The following DNTTIP1 variants were observed in gnomAD, a reference collection of about 807,000 sequenced individuals.
The protein encoded by DNTTIP1 is deoxynucleotidyltransferase terminal interacting protein 1.
Under a neutral mutation model 52.9 loss-of-function variants are expected in DNTTIP1, and 22 were observed. That is an observed-to-expected ratio of 0.42 (90% CI 0.30 to 0.59). DNTTIP1 has a LOEUF of 0.59. Ranked by LOEUF, DNTTIP1 falls within the 20% of genes least tolerant of loss-of-function variation. DNTTIP1 has a pLI of 0.22. For synonymous variants in DNTTIP1, 136 were observed against 155.1 expected, an observed-to-expected ratio of 0.88 and a Z score of 0.92; for missense variants, 286 against 435.5, an observed-to-expected ratio of 0.66 and a Z score of 3.06.
At position 45,800,691 on chromosome 20, in the gene DNTTIP1, AAAAATATATATATAT is replaced by A. The variant is rs1981412872; in HGVS notation, c.373-381_373-367del. On this transcript the variant is annotated intron_variant, in intron 4 of 12. Coordinates refer to ENST00000372622, the MANE Select transcript of DNTTIP1 (RefSeq NM_052951.3). ...CTCCATCTCAATTTAAAAAAAAAAAAAAAATATATATATATATATATATATATATATATATATATA... is the reference window on the plus strand; with the variant it reads ...CTCCATCTCAATTTAAAAAAAAAAAAATATATATATATATATATATATATA... 8.8e-5 allele frequency among the ~76,000 whole-genome samples: 5 copies of A among 57,102 alleles called. 1 individual carries two copies. Among genetic ancestry groups the A allele is most frequent in the South Asian group, 1.2e-3 (2 of 1,660 alleles). The allele number at this position is 57,102 out of a possible 152,430, so 37.5% of individuals were successfully genotyped here. A position where few individuals can be genotyped will look rare whatever the true frequency, so the allele number is the denominator to read the frequency against.
chr20:45,811,409 AGTAAACACAGATG>A, exon 13 of DNTTIP1: 1 of 510,930 alleles, frequency 2.0e-6, no homozygotes, highest in South Asian at 3.2e-5. Flanking sequence ...AACAGTTTGT[AGTAAACACAGATG>A]GTGAACCTGC....
chr20:45,796,773 C>T lies in DNTTIP1; in HGVS notation c.372+1330C>T, dbSNP rs779521853. 5.3e-5 allele frequency among the ~76,000 whole-genome samples: 8 copies of T among 152,274 alleles called. No homozygotes were observed. In the East Asian group the frequency reaches 1.2e-3, roughly 22 times the overall value. On this transcript the variant is annotated intron_variant, in intron 4 of 12. Transcript: ENST00000372622. ...TCACTGGAACCCCTCTTGTCGGGGT[C>T]GCTAGTAACTTCCGTGTTGTCAAAC...
chr20:45,802,851 T>G (rs1219908882), intron 7 of DNTTIP1: 1 of 149,658 alleles, frequency 6.7e-6, no homozygotes, highest in Non-Finnish European at 1.5e-5. Flanking sequence ...TAAAAAAAAT[T>G]CTGAAGCAGC....
chr20:45,799,144 ACAG>A (rs562459184), intron 4 of DNTTIP1, among the ~76,000 whole-genome samples: 107 of 152,368 alleles, frequency 7.0e-4, no homozygotes, highest in African/African-American at 2.5e-3. Flanking sequence ...CCTTTTGTCT[ACAG>A]TTGAATTATG....
intron 4 of DNTTIP1, among the ~76,000 whole-genome samples, 166 bp downstream of exon 4, chr20:45,795,609 G>T (rs1184048056): frequency 6.6e-6 from 1 of 152,190 alleles, no homozygotes; most frequent in Non-Finnish European, 1.5e-5. Flanking sequence ...GACCAGCTTG[G>T]GCAACGTGGC....
At chr20:45,810,059 G>A (rs1235841798) in intron 11 of DNTTIP1, among the ~76,000 whole-genome samples, 1 of 152,040 alleles carries the variant, frequency 6.6e-6, no homozygotes, top group Admixed American at 6.6e-5. Flanking sequence ...TTGCTGACCT[G>A]GGAGACCTGT....
rs143750404 is a variant in DNTTIP1, at chr20:45,803,224, C to T, written c.558-109C>T. The T allele has an allele frequency of 1.3e-4, 140 of 1,081,214 alleles. 1 individual carries two copies. The Middle Eastern group carries it at 1.4e-3, about 11-fold the overall frequency. 67.0% of individuals were successfully genotyped at this position (1,081,214 alleles called of 1,614,324 possible). On this transcript the variant is annotated intron_variant, in intron 7 of 12. Coordinates refer to ENST00000372622, the MANE Select transcript of DNTTIP1 (RefSeq NM_052951.3). ...ATGTGTCACCACGAAGGAGGATGTC[C>T]AGGGCTAAAGTGAGAGTGTGTGAGG...
At chr20:45,794,175 T>G (rs1981149445) in intron 3 of DNTTIP1, among the ~76,000 whole-genome samples, 158 bp downstream of exon 3, 1 of 152,158 alleles carries the variant, frequency 6.6e-6, no homozygotes, top group Admixed American at 6.5e-5. Context: ...TTGAGACAGA[T>G]TCTCACTCTG....
At chr20:45,800,697 ATATAT>A (rs1981426072) in intron 4 of DNTTIP1, among the ~76,000 whole-genome samples, 14 of 5,828 alleles carry the variant, frequency 2.4e-3, no homozygotes, top group Non-Finnish European at 5.4e-3. Flanking sequence ...AAAAAAAAAT[ATATAT>A]ATATATATAT....
chr20:45,792,182 G>GCCC, intron 1 of DNTTIP1, 73 bp downstream of exon 1: 1 of 950,736 alleles, frequency 1.1e-6, no homozygotes, highest in Non-Finnish European at 1.4e-6. Context: ...CTGGCCCGCG[G>GCCC]GCGAGAGAAC....
Position 45,811,042 on chromosome 20 carries a change from C to A in DNTTIP1, c.852-15C>A. 1 of 1,613,490 alleles carries A rather than the reference C, an allele frequency of 6.2e-7. No homozygotes were observed. The highest frequency in any genetic ancestry group is 8.5e-7 in the Non-Finnish European group (1 of 1,179,594). ...CCTCACTTCCCCCAACTTCTCTCTT[C>A]AATGTCTGTTCCAGAGGATGCCTGG... is the stretch of plus-strand genomic sequence containing the variant. On this transcript the variant is annotated splice_polypyrimidine_tract_variant and intron_variant, in intron 12 of 12. Coordinates refer to ENST00000372622, the MANE Select transcript of DNTTIP1 (RefSeq NM_052951.3).
At chr20:45,803,448 T>A in intron 8 of DNTTIP1, 70 bp downstream of exon 8, 2 of 1,577,086 alleles carry the variant, frequency 1.3e-6, no homozygotes, top group Non-Finnish European at 1.7e-6. Flanking sequence ...GGACCCACCA[T>A]GAGGGAAAGG....
intron 1 of DNTTIP1, among the ~76,000 whole-genome samples, chr20:45,792,370 G>A (rs1251569842): frequency 6.6e-6 from 1 of 152,200 alleles, no homozygotes; most frequent in East Asian, 1.9e-4. Flanking sequence ...ACTTGTTGTG[G>A]GATGGGAAGA....
chr20:45,804,437 T>C (rs543965011), intron 8 of DNTTIP1, among the ~76,000 whole-genome samples: 11 of 138,118 alleles, frequency 8.0e-5, no homozygotes, highest in African/African-American at 2.6e-4. Context: ...TCCCTGCCTG[T>C]AGTCTTGCCC....
intron 10 of DNTTIP1, among the ~76,000 whole-genome samples, chr20:45,806,748 T>TA (rs1981663526): frequency 6.6e-6 from 1 of 152,226 alleles, no homozygotes; most frequent in South Asian, 2.1e-4. Context: ...TCCCAACACT[T>TA]AAACAGTTTG....
rs1173134136 is a variant in DNTTIP1, at chr20:45,801,304, G to A, written c.442-98G>A. 12 of 1,466,346 alleles carry A rather than the reference G, an allele frequency of 8.2e-6. No homozygotes were observed. The Admixed American group carries it at 1.7e-4, about 21-fold the overall frequency. The allele number at this position is 1,466,346 out of a possible 1,614,324, so 90.8% of individuals were successfully genotyped here. ...CTTCTTTGGCCTGGGTCAGAGCGGG[G>A]CTGGAGAGCTGTAGTCCAGGGCTGT... On this transcript the variant is annotated intron_variant, in intron 5 of 12. Coordinates refer to ENST00000372622, the MANE Select transcript of DNTTIP1 (RefSeq NM_052951.3).
rs1360123651 is a variant in DNTTIP1 at position 45,801,443 on chromosome 20, C to G, written c.483C>G (p.Ser161Arg). Residue 161 changes from serine (S) to arginine (R), a missense_variant, in exon 6 of 13, where the codon AGC (serine) becomes AGG (arginine). Transcript: ENST00000372622. ...QAEEECAHRG[S>R]PLPKKRKGRP... is the part of the protein sequence containing the mutation. ...AAGAAGAATGTGCCCATCGAGGAAG[C>G]CCCCTTCCTAAAAAGGTAAACCATT... 1 of 1,613,980 alleles carries G rather than the reference C, an allele frequency of 6.2e-7. No individual in the cohort carries two copies. The highest frequency in any genetic ancestry group is 1.3e-5 in the African/African-American group (1 of 74,910).
In DNTTIP1 at chr20:45,810,960, T is replaced by C. The variant is rs1568711174; in HGVS notation, c.851+20T>C. The stretch of plus-strand genomic sequence containing the variant: ...TTACAGGTAAAACCAGTGGGTCTCC[T>C]GCCCCTTCTCCTCTCCCTGCCTCCA... On this transcript the variant is annotated intron_variant, in intron 12 of 12. Coordinates refer to ENST00000372622, the MANE Select transcript of DNTTIP1 (RefSeq NM_052951.3). 6.2e-7 allele frequency: 1 copy of C among 1,614,076 alleles called. No homozygotes were observed. The highest frequency in any genetic ancestry group is 8.5e-7 in the Non-Finnish European group (1 of 1,180,004).
intron 4 of DNTTIP1, among the ~76,000 whole-genome samples, chr20:45,799,921 C>T (rs1057458857): frequency 3.5e-5 from 5 of 141,990 alleles, no homozygotes; most frequent in East Asian, 2.0e-4. Flanking sequence ...GCCTAGCCAA[C>T]GTGATAAAAC....
Sources: allele counts gnomAD v4.1 joint callset (sites outside exome capture counted in the v4.1 genomes callset), GRCh38; gene constraint gnomAD v4.1.1; transcripts MANE v1.5; gene names NCBI Gene and HGNC (gene_info 2026-07-23, HGNC 2026-07-21).